The following AIFM1 variants were observed in gnomAD, a reference collection of about 807,000 sequenced individuals.
AIFM1 encodes the protein apoptosis inducing factor mitochondria associated 1, also known as apoptosis-inducing factor 1, mitochondrial.
A neutral mutation model predicts 51.7 loss-of-function variants in AIFM1; 3 were observed. The observed-to-expected ratio is 0.06, with a 90% confidence interval of 0.03 to 0.15. The LOEUF is 0.15. AIFM1 is among the 10% of genes least tolerant of loss of function. The pLI, the probability that AIFM1 is intolerant of heterozygous loss-of-function variation, is 1.00. For synonymous variants in AIFM1, 178 were observed against 179.4 expected (o/e 0.99, Z 0.06); for missense variants, 330 against 476.8 (o/e 0.69, Z 2.87).
In AIFM1 at chrX:130,137,976, C is replaced by T. The variant is rs766147525; in HGVS notation, c.967+617G>A. On this transcript the variant is annotated intron_variant, in intron 9 of 15. Transcript: ENST00000287295. ...ACTCCAGAGGCTGAGACAGGAGAATCGCTTGAACCTGGGAGGCGGAGGTTG... is the reference window on the plus strand; with the variant it reads ...ACTCCAGAGGCTGAGACAGGAGAATTGCTTGAACCTGGGAGGCGGAGGTTG... 3.0e-3 allele frequency: 366 copies of T among 120,865 alleles called. 1 individual carries two copies. Among genetic ancestry groups the T allele is most frequent in the Non-Finnish European group, 4.7e-3 (288 of 61,800 alleles). The allele number at this position is 120,865 out of a possible 1,213,427, so 10.0% of individuals were successfully genotyped here.
Position 130,134,472 on chromosome X carries a change from C to T in AIFM1, c.1306-1017G>A, listed in dbSNP as rs929812952. Among the ~76,000 whole-genome samples, 8 of 110,917 alleles carry T rather than the reference C, an allele frequency of 7.2e-5. No homozygotes were observed. The Admixed American group carries it at 7.8e-4, about 11-fold the overall frequency. ...TGTCACTCAGTATTCATTCATTCGA[C>T]AAATATTTATGGAGTACTTATTATA... On this transcript the variant is annotated intron_variant, in intron 12 of 15. Coordinates refer to ENST00000287295, the MANE Select transcript of AIFM1 (RefSeq NM_004208.4).
chrX:130,129,732 G>A (rs2029981209), intron 15 of AIFM1, 104 bp from the exon 16 acceptor site: 2 of 829,214 alleles, frequency 2.4e-6, no homozygotes, highest in Middle Eastern at 3.0e-4. Context: ...CACACTGGGA[G>A]GGAGTTGTGG....
At chrX:130,146,246 TG>T (rs1286621517) in intron 5 of AIFM1, among the ~76,000 whole-genome samples, 1 of 111,169 alleles carries the variant, frequency 9.0e-6, no homozygotes, top group Admixed American at 9.6e-5. Context: ...GAGACCAGAT[TG>T]GGCAACATAG....
Position 130,129,501 on chromosome X carries a change from C to T in AIFM1, c.*56G>A. ...TGCTGAATAAAAAAATGCTCCTTTACCCATTCGACCTCCTCTCAGGGGCTG... is the reference window on the plus strand; with the variant it reads ...TGCTGAATAAAAAAATGCTCCTTTATCCATTCGACCTCCTCTCAGGGGCTG... On this transcript the variant is annotated 3_prime_UTR_variant, in exon 16 of 16. Transcript: ENST00000287295. The T allele has an allele frequency of 9.7e-7, 1 of 1,035,131 alleles. No homozygotes were observed. Among genetic ancestry groups the T allele is most frequent in the Non-Finnish European group, 1.4e-6 (1 of 734,439 alleles). 85.3% of individuals were successfully genotyped at this position (1,035,131 alleles called of 1,213,427 possible).
chrX:130,131,884 T>C, intron 13 of AIFM1, 85 bp from the exon 14 acceptor site: 1 of 1,142,865 alleles, frequency 8.7e-7, no homozygotes, highest in Non-Finnish European at 1.2e-6. Flanking sequence ...TGCATTTTTT[T>C]TTTTTTGAGA....
chrX:130,151,304 C>A (rs1019388727), intron 2 of AIFM1, among the ~76,000 whole-genome samples: 5 of 110,254 alleles, frequency 4.5e-5, no homozygotes, highest in Non-Finnish European at 5.7e-5. Context: ...CCATGCCCAG[C>A]TAATTTTTGT....
intron 2 of AIFM1, among the ~76,000 whole-genome samples, chrX:130,154,543 C>T (rs369255502): frequency 1.8e-5 from 2 of 112,060 alleles, no homozygotes; most frequent in African/African-American, 6.5e-5. Context: ...TAGCTTGTAC[C>T]GCTTCAGCCA....
chrX:130,148,393 G>A (rs955724354), intron 3 of AIFM1, among the ~76,000 whole-genome samples: 1 of 111,726 alleles, frequency 9.0e-6, no homozygotes, highest in South Asian at 3.8e-4. Context: ...GATTAAAACA[G>A]TCCTCTCTGA....
Position 130,148,700 on chromosome X carries a change from G to A in AIFM1, c.349+769C>T, listed in dbSNP as rs1340033464. ...CATACAAAATTAGCCAGGCATGGTG[G>A]CACACACCTGTAATCCTAGCTACTC... On this transcript the variant is annotated intron_variant, in intron 3 of 15. Coordinates refer to ENST00000287295, the MANE Select transcript of AIFM1 (RefSeq NM_004208.4). Among the ~76,000 whole-genome samples, 5 of 107,181 alleles carry A rather than the reference G, an allele frequency of 4.7e-5. No individual in the cohort carries two copies. In the Admixed American group the frequency reaches 5.0e-4, roughly 11 times the overall value. The allele number at this position is 107,181 out of a possible 115,157, so 93.1% of individuals were successfully genotyped here.
At chrX:130,152,951 T>G (rs1026085400) in intron 2 of AIFM1, among the ~76,000 whole-genome samples, 4 of 111,311 alleles carry the variant, frequency 3.6e-5, no homozygotes, top group Admixed American at 9.6e-5. Context: ...TTTTTGAAGC[T>G]TTGTTTCTTT....
At chrX:130,134,463 T>C (rs974012718) in intron 12 of AIFM1, among the ~76,000 whole-genome samples, 2 of 111,127 alleles carry the variant, frequency 1.8e-5, no homozygotes, top group Admixed American at 9.7e-5. Flanking sequence ...TCAGTATTCA[T>C]TCATTCGACA....
At chrX:130,132,556 T>TA (rs1428731593) in intron 13 of AIFM1, among the ~76,000 whole-genome samples, 7 of 112,418 alleles carry the variant, frequency 6.2e-5, no homozygotes, top group Admixed American at 1.9e-4. Flanking sequence ...TTCTTTTTTT[T>TA]AACTTTTAAA....
At chrX:130,143,268 A>T (rs747377448) in intron 6 of AIFM1, among the ~76,000 whole-genome samples, 22 of 111,823 alleles carry the variant, frequency 2.0e-4, no homozygotes, top group Non-Finnish European at 4.0e-4. Flanking sequence ...CGTGGCAGTC[A>T]TATGTCCAAC....
chrX:130,138,268 G>A lies in AIFM1; in HGVS notation c.967+325C>T, dbSNP rs773123094. 8.8e-3 allele frequency among the ~76,000 whole-genome samples: 969 copies of A among 110,436 alleles called. 7 individuals carry two copies. The highest frequency in any genetic ancestry group is 0.023 in the Middle Eastern group (5 of 214). On this transcript the variant is annotated intron_variant, in intron 9 of 15. Coordinates refer to ENST00000287295, the MANE Select transcript of AIFM1 (RefSeq NM_004208.4). Reference sequence around the variant, plus strand: ...ATCACCAGGTCAGGAGATCGAGACAGTCCTGGCTAACACGGTGAAACCCCA... The same window carrying A: ...ATCACCAGGTCAGGAGATCGAGACAATCCTGGCTAACACGGTGAAACCCCA...
At chrX:130,146,349 T>C (rs781514236) in intron 5 of AIFM1, among the ~76,000 whole-genome samples, 5 of 108,327 alleles carry the variant, frequency 4.6e-5, no homozygotes, top group African/African-American at 1.3e-4. Flanking sequence ...GAGGCTGAGG[T>C]GGGAGGATCA....
Position 130,165,732 on chromosome X carries a change from C to G in AIFM1, c.-76G>C. On this transcript the variant is annotated 5_prime_UTR_variant, in exon 1 of 16. Coordinates refer to ENST00000287295, the MANE Select transcript of AIFM1 (RefSeq NM_004208.4). ...ACCGACGGGTCAAACACCGTGAGCC[C>G]CGGCCAGCTCCCCCAGTCTCTTCAC... 1.2e-6 allele frequency: 1 copy of G among 840,863 alleles called. No individual in the cohort carries two copies. The highest frequency in any genetic ancestry group is 1.7e-6 in the Non-Finnish European group (1 of 574,258). The allele number at this position is 840,863 out of a possible 1,213,427, so 69.3% of individuals were successfully genotyped here.
intron 3 of AIFM1, among the ~76,000 whole-genome samples, chrX:130,148,787 C>T (rs1218969497): frequency 2.3e-4 from 18 of 78,102 alleles, no homozygotes; most frequent in South Asian, 9.6e-4. Context: ...GAGATGAGAT[C>T]GGGCCACTGC....
At chrX:130,139,728 T>G in intron 8 of AIFM1, 67 bp downstream of exon 8, 2 of 1,086,378 alleles carry the variant, frequency 1.8e-6, no homozygotes, top group South Asian at 3.7e-5. Context: ...GGTGGGCACT[T>G]GGGGACTGCA....
intron 6 of AIFM1, among the ~76,000 whole-genome samples, chrX:130,142,512 G>T (rs964222251): frequency 8.9e-6 from 1 of 111,753 alleles, no homozygotes; most frequent in Non-Finnish European, 1.9e-5. Flanking sequence ...TAACATGCTT[G>T]TCCCATCCAA....
Sources: gnomAD v4.1 joint callset for allele counts (sites outside exome capture counted in the v4.1 genomes callset) on GRCh38, gnomAD v4.1.1 for gene constraint, MANE v1.5 for transcripts, NCBI Gene and HGNC (gene_info 2026-07-23, HGNC 2026-07-21) for gene names.